The following DGAT2 variants were observed in gnomAD, a reference collection of about 807,000 sequenced individuals.
DGAT2 encodes the protein diacylglycerol O-acyltransferase 2, also known as acyl-CoA retinol O-fatty-acyltransferase.
A neutral mutation model predicts 48.4 loss-of-function variants in DGAT2; 33 were observed. The ratio of observed to expected loss-of-function variants is 0.68; its 90% CI spans 0.52 to 0.91. The LOEUF (loss-of-function observed/expected upper bound fraction) is 0.91. Among genes scored for constraint, DGAT2 ranks in the 40% least tolerant of loss-of-function variants. The pLI, the probability that DGAT2 is intolerant of heterozygous loss-of-function variation, is 0.00. For synonymous variants in DGAT2, 191 were observed against 194.1 expected, an observed-to-expected ratio of 0.98 and a Z score of 0.13; for missense variants, 446 against 493.7, an observed-to-expected ratio of 0.90 and a Z score of 0.92.
rs1944730187 is a variant in DGAT2 at position 75,769,094 on chromosome 11, G to T, written c.103G>T (p.Glu35Ter). 6.4e-7 allele frequency: 1 copy of T among 1,571,072 alleles called. No homozygotes were observed. Among genetic ancestry groups the T allele is most frequent in the Non-Finnish European group, 8.6e-7 (1 of 1,163,348 alleles). Residue 35 changes from glutamate to a stop codon, truncating the protein, a stop_gained, in exon 1 of 8, where the codon GAG (glutamate) becomes TAG (stop). Transcript: ENST00000228027. LOFTEE classifies it high-confidence loss of function. ...TCACGGAGGACCTGCGCTGTCGCGC[G>T]AGGGGTCTGGGAGATGGGGTGAGTG... Reference protein sequence around the residue: ...RSHGGPALSREGSGRWGTGSS... With the variant: ...RSHGGPALSR
At chr11:75,800,295 T>A in intron 7 of DGAT2, 59 bp from the exon 8 acceptor site, 1 of 1,577,604 alleles carries the variant, frequency 6.3e-7, no homozygotes, top group Admixed American at 1.8e-5. Flanking sequence ...TTCAGCATCA[T>A]GGTGGATGCC....
chr11:75,800,327 C>T, intron 7 of DGAT2, 27 bp from the exon 8 acceptor site: 1 of 1,610,796 alleles, frequency 6.2e-7, no homozygotes, highest in Non-Finnish European at 8.5e-7. Flanking sequence ...TGTTGACTAA[C>T]CAGAAGCCTC....
intron 1 of DGAT2, among the ~76,000 whole-genome samples, chr11:75,784,021 A>G (rs1445926432): frequency 6.6e-6 from 1 of 151,906 alleles, no homozygotes; most frequent in African/African-American, 2.4e-5. Flanking sequence ...GAACATTTAC[A>G]TCTCTCTGAA....
chr11:75,784,468 G>C, intron 1 of DGAT2, 150 bp from the exon 2 acceptor site: 2 of 1,028,850 alleles, frequency 1.9e-6, no homozygotes, highest in Non-Finnish European at 2.8e-6. Flanking sequence ...ATGAGGTGGA[G>C]GGCTAGGATC....
intron 1 of DGAT2, among the ~76,000 whole-genome samples, chr11:75,770,003 AG>A (rs1196022147): frequency 6.6e-6 from 1 of 152,244 alleles, no homozygotes; most frequent in East Asian, 1.9e-4. Flanking sequence ...ACAAAAATAA[AG>A]CTTGCTAATT....
rs1329252116 is a variant in DGAT2 at position 75,768,917 on chromosome 11, CGGGGGCCGGGGCATGGGCCA to C, written c.-70_-51del. On this transcript the variant is annotated 5_prime_UTR_variant, in exon 1 of 8. The change abolishes an upstream ATG in the 5' untranslated region. Transcript: ENST00000228027. ...TGTGCTCTGCGCGAAGCCCTGGCCC[CGGGGGCCGGGGCATGGGCCA>C]GGGGCGCGGGGTGAAGCGGCTTCCC... 14 of 1,362,462 alleles carry C rather than the reference CGGGGGCCGGGGCATGGGCCA, an allele frequency of 1.0e-5. No homozygotes were observed. The highest frequency in any genetic ancestry group is 3.9e-5 in the Admixed American group (1 of 25,464). The allele number at this position is 1,362,462 out of a possible 1,614,324, so 84.4% of individuals were successfully genotyped here. A position where few individuals can be genotyped will look rare whatever the true frequency, so the allele number is the denominator to read the frequency against.
intron 1 of DGAT2, among the ~76,000 whole-genome samples, chr11:75,773,562 G>A (rs1210806034): frequency 6.6e-6 from 1 of 152,238 alleles, no homozygotes; most frequent in East Asian, 1.9e-4. Flanking sequence ...TGACATTCAT[G>A]TTAGTCCTTG....
At chr11:75,781,657 A>G (rs1038489692) in intron 1 of DGAT2, among the ~76,000 whole-genome samples, 2 of 152,208 alleles carry the variant, frequency 1.3e-5, no homozygotes, top group Non-Finnish European at 2.9e-5. Flanking sequence ...CACTTGGTAG[A>G]CTGCATTTCC....
At chr11:75,790,346 C>T (rs746380929) in intron 3 of DGAT2, 51 bp downstream of exon 3, 8 of 1,460,158 alleles carry the variant, frequency 5.5e-6, no homozygotes, top group East Asian at 2.3e-5. Flanking sequence ...GATGCTCTTC[C>T]CCCTGCACAA....
intron 2 of DGAT2, among the ~76,000 whole-genome samples, chr11:75,785,625 C>A (rs1944913841): frequency 6.6e-6 from 1 of 152,212 alleles, no homozygotes; most frequent in Non-Finnish European, 1.5e-5. Context: ...GCTTCCTCAG[C>A]ACGTCAAGGC....
In DGAT2 at chr11:75,800,435, C is replaced by T. The variant is rs1945099464; in HGVS notation, c.1094C>T (p.Ala365Val). The change falls in exon 8 of 8, where the codon GCC becomes GTC. Residue 365 changes from alanine to valine, a missense_variant. By Grantham distance (64) the Ala-to-Val change is moderately conservative (BLOSUM62 0). Transcript: ENST00000228027. ...IDLYHTMYME[A>V]LVKLFDKHKT... Reference sequence around the variant, plus strand: ...CTGTACCACACCATGTACATGGAGGCCCTGGTGAAGCTCTTCGACAAGCAC... The same window carrying T: ...CTGTACCACACCATGTACATGGAGGTCCTGGTGAAGCTCTTCGACAAGCAC... 1 of 1,614,158 alleles carries T rather than the reference C, an allele frequency of 6.2e-7. No individual in the cohort carries two copies. Among genetic ancestry groups the T allele is most frequent in the Non-Finnish European group, 8.5e-7 (1 of 1,180,026 alleles).
At chr11:75,777,499 A>T (rs748043607) in intron 1 of DGAT2, among the ~76,000 whole-genome samples, 3 of 152,164 alleles carry the variant, frequency 2.0e-5, no homozygotes, top group Non-Finnish European at 4.4e-5. Flanking sequence ...CTTTTTATGA[A>T]GCTCTTGGCT....
chr11:75,789,092 A>G (rs531741784), intron 2 of DGAT2, among the ~76,000 whole-genome samples: 2 of 151,856 alleles, frequency 1.3e-5, no homozygotes, highest in East Asian at 3.9e-4. Flanking sequence ...CAGGCCCAGA[A>G]CATGGTGACC....
chr11:75,787,489 GT>G (rs1944934628), intron 2 of DGAT2, among the ~76,000 whole-genome samples: 1 of 152,196 alleles, frequency 6.6e-6, no homozygotes, highest in South Asian at 2.1e-4. Flanking sequence ...TATCACAAGT[GT>G]CTTTGTAGGC....
intron 2 of DGAT2, among the ~76,000 whole-genome samples, chr11:75,787,488 T>C (rs571549086): frequency 6.6e-6 from 1 of 152,276 alleles, no homozygotes; most frequent in South Asian, 2.1e-4. Context: ...GTATCACAAG[T>C]GTCTTTGTAG....
Position 75,796,740 on chromosome 11 carries a change from C to T in DGAT2, c.634+208C>T, listed in dbSNP as rs571210111. On this transcript the variant is annotated intron_variant, in intron 5 of 7. Transcript: ENST00000228027. ...AGAATTCAACTCGGATAACATCTTC[C>T]CTAGGAGGCCTTCTTTGACCCCCTT... 20 of 588,340 alleles carry T rather than the reference C, an allele frequency of 3.4e-5. No individual in the cohort carries two copies. The East Asian group carries it at 5.8e-4, about 17-fold the overall frequency. The allele number at this position is 588,340 out of a possible 1,614,324, so 36.4% of individuals were successfully genotyped here. A position where few individuals can be genotyped will look rare whatever the true frequency, so the allele number is the denominator to read the frequency against.
In DGAT2 at chr11:75,799,994, A is replaced by C. The variant is rs76579035; in HGVS notation, c.1013-360A>C. On this transcript the variant is annotated intron_variant, in intron 7 of 7. Transcript: ENST00000228027. ...ATGAGGAAGAATCCCCATGTGACAG[A>C]TGAGGAAACTGAGGGTCAGAGAGGC... 6.0e-4 allele frequency among the ~76,000 whole-genome samples: 92 copies of C among 152,270 alleles called. 1 individual carries two copies. The East Asian group carries it at 0.017, about 28-fold the overall frequency.
At chr11:75,776,341 G>T (rs1414872766) in intron 1 of DGAT2, 1 of 152,268 alleles carries the variant, frequency 6.6e-6, no homozygotes, top group Non-Finnish European at 1.5e-5. Flanking sequence ...AATGAGACAT[G>T]GTCCCTGCAA....
chr11:75,796,635 C>A, intron 5 of DGAT2, 103 bp downstream of exon 5: 3 of 1,256,848 alleles, frequency 2.4e-6, no homozygotes, highest in Non-Finnish European at 3.3e-6. Context: ...TTCCTTGGTG[C>A]TGGGCCTGCA....
Sources: gnomAD v4.1 joint callset for allele counts (sites outside exome capture counted in the v4.1 genomes callset) on GRCh38, gnomAD v4.1.1 for gene constraint, MANE v1.5 for transcripts, NCBI Gene and HGNC (gene_info 2026-07-23, HGNC 2026-07-21) for gene names.